Variants in SLC18A2 observed in about 807,000 individuals in gnomAD.
The protein encoded by SLC18A2 is solute carrier family 18 member A2, also known as synaptic vesicular amine transporter.
A neutral mutation model predicts 59.2 loss-of-function variants in SLC18A2; 33 were observed. The observed-to-expected ratio is 0.56, with a 90% CI of 0.42 to 0.75. The LOEUF (loss-of-function observed/expected upper bound fraction) is 0.75. SLC18A2 is among the 30% of genes least tolerant of loss of function. The pLI is 0.00. For synonymous variants in SLC18A2, 228 were observed against 253.5 expected, an observed-to-expected ratio of 0.90 and a Z score of 0.95; for missense variants, 569 against 668.6, an observed-to-expected ratio of 0.85 and a Z score of 1.64.
chr10:117,272,039 G>A (rs190433816), intron 15 of SLC18A2, among the ~76,000 whole-genome samples: 218 of 152,262 alleles, frequency 1.4e-3, no homozygotes, highest in African/African-American at 4.9e-3. Context: ...CATGGGCCTG[G>A]GAGCCACACT....
At chr10:117,252,312 T>C (rs1844172682) in intron 3 of SLC18A2, among the ~76,000 whole-genome samples, 1 of 151,984 alleles carries the variant, frequency 6.6e-6, no homozygotes. Flanking sequence ...AAGCCTGGAA[T>C]GGAAGAACCC....
Position 117,269,001 on chromosome 10 carries a change from CACAT to C in SLC18A2, c.1187-1066_1187-1063del, listed in dbSNP as rs546621479. Among the ~76,000 whole-genome samples, 1,432 of 151,332 alleles carry C rather than the reference CACAT, an allele frequency of 9.5e-3. 12 individuals carry two copies. The highest frequency in any genetic ancestry group is 0.013 in the Non-Finnish European group (911 of 67,694). ...ACACACACATTCATACACACAAACA[CACAT>C]ACACACACTGACACACGCATACACA... On this transcript the variant is annotated intron_variant, in intron 13 of 15. Transcript: ENST00000644641. This position sits in a 1 kb window ranked among gnomAD's most constrained non-coding sequence, Gnocchi z 5.1.
chr10:117,277,970 G>A lies in SLC18A2; in HGVS notation c.*704G>A, dbSNP rs1383392413. 1 of 152,178 alleles carries A rather than the reference G, an allele frequency of 6.6e-6. No individual in the cohort carries two copies. The highest frequency in any genetic ancestry group is 2.4e-5 in the African/African-American group (1 of 41,444). The allele number at this position is 152,178 out of a possible 1,614,324, so 9.4% of individuals were successfully genotyped here. On this transcript the variant is annotated 3_prime_UTR_variant, in exon 16 of 16. Coordinates refer to ENST00000644641, the MANE Select transcript of SLC18A2 (RefSeq NM_003054.6). ...AGCCAATAAAGGAAAAACAGTAAAT[G>A]TTCCGAAAGCAGAGAAAAGCAACCA...
At chr10:117,266,694 T>C (rs1844352483) in intron 10 of SLC18A2, 39 bp from the exon 11 acceptor site, 2 of 1,429,088 alleles carry the variant, frequency 1.4e-6, no homozygotes, top group Non-Finnish European at 2.0e-6. Context: ...ATATGACTGA[T>C]ATCAGCACTG....
At chr10:117,270,830 C>T (rs1003385520) in intron 15 of SLC18A2, among the ~76,000 whole-genome samples, 5 of 152,164 alleles carry the variant, frequency 3.3e-5, no homozygotes, top group African/African-American at 1.2e-4. Context: ...ATTTGTGGTG[C>T]TGTTGCTTTT....
chr10:117,260,401 G>A (rs1244763276), intron 10 of SLC18A2, among the ~76,000 whole-genome samples: 5 of 152,178 alleles, frequency 3.3e-5, no homozygotes, highest in African/African-American at 9.6e-5. Context: ...TTTGCAGGTG[G>A]AAGATTCCAG....
intron 10 of SLC18A2, among the ~76,000 whole-genome samples, chr10:117,266,286 G>A (rs1844347964): frequency 6.6e-6 from 1 of 152,010 alleles, no homozygotes; most frequent in African/African-American, 2.4e-5. Context: ...AATAACTGTG[G>A]TGATTATCTG....
At chr10:117,241,998 G>C in intron 2 of SLC18A2, 184 bp downstream of exon 2, 1 of 524,876 alleles carries the variant, frequency 1.9e-6, no homozygotes, top group Non-Finnish European at 3.3e-6. Context: ...CGCGTTGTGT[G>C]GCTTCGCTTT....
chr10:117,268,885 GTGTA>G (rs1302380831), intron 13 of SLC18A2, among the ~76,000 whole-genome samples: 20 of 151,714 alleles, frequency 1.3e-4, no homozygotes, highest in Admixed American at 7.2e-4. Context: ...GTGTATGAGT[GTGTA>G]TGTGTGTGTT....
At chr10:117,253,921 C>A in intron 4 of SLC18A2, 127 bp from the exon 5 acceptor site, 1 of 820,516 alleles carries the variant, frequency 1.2e-6, no homozygotes, top group East Asian at 2.4e-5. Flanking sequence ...TTTTACGGAA[C>A]AAAAGCACAG....
intron 15 of SLC18A2, among the ~76,000 whole-genome samples, chr10:117,275,870 C>A (rs1402832171): frequency 6.6e-6 from 1 of 152,086 alleles, no homozygotes; most frequent in East Asian, 1.9e-4. Flanking sequence ...TTTAAAAAAT[C>A]ATATATTTTA....
intron 6 of SLC18A2, 125 bp from the exon 7 acceptor site, chr10:117,255,152 G>A (rs1844213863): frequency 1.2e-6 from 1 of 855,330 alleles, no homozygotes; most frequent in Non-Finnish European, 1.9e-6. Flanking sequence ...AGAACAATAG[G>A]GCAGCCACCC....
Position 117,267,729 on chromosome 10 carries a change from T to C in SLC18A2, c.1179T>C (p.Phe393=), listed in dbSNP as rs570100335. ...GLIAPNFGVG[F]AIGMVDSSMM... is the part of the protein sequence containing the mutation. ...TAGCTCCGAACTTTGGAGTTGGTTTTGCAATTGGTAAGTCACACGAACCTT... is the reference window on the plus strand; with the variant it reads ...TAGCTCCGAACTTTGGAGTTGGTTTCGCAATTGGTAAGTCACACGAACCTT... Residue 393 remains phenylalanine, a synonymous_variant, in exon 13 of 16, where the codon TTT becomes TTC. Transcript: ENST00000644641. 17 of 1,558,466 alleles carry C rather than the reference T, an allele frequency of 1.1e-5. No homozygotes were observed. In the African/African-American group the frequency reaches 1.2e-4, roughly 11 times the overall value.
intron 2 of SLC18A2, among the ~76,000 whole-genome samples, chr10:117,243,156 G>A (rs363332): frequency 0.19 from 29,236 of 152,234 alleles, 3,743 homozygotes; most frequent in East Asian, 0.57. Flanking sequence ...GAATTTCCAA[G>A]TTATTACTTC....
At chr10:117,276,243 C>T (rs893911178) in intron 15 of SLC18A2, among the ~76,000 whole-genome samples, 5 of 152,100 alleles carry the variant, frequency 3.3e-5, no homozygotes, top group African/African-American at 4.8e-5. Context: ...GAGCTGAGAT[C>T]GCACCACTGC....
chr10:117,273,348 TCC>T (rs1844448318), intron 15 of SLC18A2, among the ~76,000 whole-genome samples: 1 of 152,230 alleles, frequency 6.6e-6, no homozygotes, highest in Non-Finnish European at 1.5e-5. Flanking sequence ...CTCTCAAAAT[TCC>T]CAGTTGAGAA....
At chr10:117,256,138 C>G (rs986141085) in intron 9 of SLC18A2, among the ~76,000 whole-genome samples, 22 of 152,326 alleles carry the variant, frequency 1.4e-4, no homozygotes, top group African/African-American at 4.8e-4. Context: ...AGAGAGCATC[C>G]CTGCCGAGCA....
rs1248535369 is a variant in SLC18A2 at position 117,269,127 on chromosome 10, A to T, written c.1187-944A>T. 1.3e-5 allele frequency among the ~76,000 whole-genome samples: 2 copies of T among 150,252 alleles called. No homozygotes were observed. The highest frequency in any genetic ancestry group is 3.0e-5 in the Non-Finnish European group (2 of 67,554). The stretch of plus-strand genomic sequence containing the variant: ...CATACATACACGTAGATACACATAC[A>T]CATACAAACACCCACCCACATACAT... On this transcript the variant is annotated intron_variant, in intron 13 of 15. Transcript: ENST00000644641. The surrounding 1 kb of genome is among the most constrained non-coding windows in gnomAD (Gnocchi z 5.1).
intron 2 of SLC18A2, 130 bp from the exon 3 acceptor site, chr10:117,243,841 T>A: frequency 1.4e-6 from 1 of 704,284 alleles, no homozygotes; most frequent in Non-Finnish European, 2.3e-6. Context: ...CTGCCTCAGC[T>A]TCCCAAAGTC....
Sources: allele counts gnomAD v4.1 joint callset (sites outside exome capture counted in the v4.1 genomes callset), GRCh38; gene constraint gnomAD v4.1.1; non-coding constraint Gnocchi (gnomAD v3.1); transcripts MANE v1.5; gene names NCBI Gene and HGNC (gene_info 2026-07-23, HGNC 2026-07-21).